CAMKMT: variants seen among roughly 807,000 people sequenced by gnomAD.
CAMKMT encodes the protein CaM KMT.
In CAMKMT, 53 loss-of-function variants were observed where a neutral mutation model predicts 48.0. The ratio of observed to expected loss-of-function variants is 1.10; its 90% CI spans 0.89 to 1.39. The LOEUF (loss-of-function observed/expected upper bound fraction) is 1.39, where lower values mean the gene tolerates loss of function less well. Among genes scored for constraint, CAMKMT ranks in the 40% most tolerant of loss-of-function variants. The probability of loss-of-function intolerance (pLI) is 0.00; values close to 1 mark genes in which losing one functional copy is unlikely to be tolerated. For synonymous variants in CAMKMT, 165 were observed against 152.3 expected, an observed-to-expected ratio of 1.08 and a Z score of -0.61; for missense variants, 428 against 402.7, an observed-to-expected ratio of 1.06 and a Z score of -0.54.
intron 3 of CAMKMT, among the ~76,000 whole-genome samples, chr2:44,677,887 G>A (rs1675803717): frequency 1.3e-5 from 2 of 152,088 alleles, no homozygotes; most frequent in South Asian, 4.1e-4. Context: ...GAGAGTCAAT[G>A]TGTATGTGTA....
intron 3 of CAMKMT, among the ~76,000 whole-genome samples, chr2:44,510,827 C>T (rs1400326227): frequency 6.6e-6 from 1 of 151,994 alleles, no homozygotes; most frequent in East Asian, 1.9e-4. Flanking sequence ...CTCCTCGAGT[C>T]CCCAAAGTCC....
chr2:44,560,777 T>C (rs1668282420), intron 3 of CAMKMT, among the ~76,000 whole-genome samples: 1 of 152,204 alleles, frequency 6.6e-6, no homozygotes, highest in East Asian at 1.9e-4. Flanking sequence ...GCTCCCCCAT[T>C]CTTTGGGATG....
intron 3 of CAMKMT, among the ~76,000 whole-genome samples, chr2:44,487,998 G>A (rs1669292386): frequency 6.6e-6 from 1 of 152,166 alleles, no homozygotes; most frequent in African/African-American, 2.4e-5. Context: ...TTTCATACTA[G>A]CTTTGTAAAG....
chr2:44,474,039 T>C (rs952817871), intron 3 of CAMKMT, among the ~76,000 whole-genome samples: 1 of 152,190 alleles, frequency 6.6e-6, no homozygotes, highest in African/African-American at 2.4e-5. Context: ...GGAGAAGGAA[T>C]ATAATCTCCA....
chr2:44,646,176 A>G (rs1158183145), intron 3 of CAMKMT, among the ~76,000 whole-genome samples: 2 of 152,210 alleles, frequency 1.3e-5, no homozygotes, highest in African/African-American at 4.8e-5. Context: ...TGGAGGCATC[A>G]AGGCAAAAAA....
At chr2:44,648,127 A>C (rs1448344753) in intron 3 of CAMKMT, among the ~76,000 whole-genome samples, 1 of 152,102 alleles carries the variant, frequency 6.6e-6, no homozygotes, top group Non-Finnish European at 1.5e-5. Context: ...ATGACATGTC[A>C]TGAAAAAAAA....
chr2:44,577,135 C>T (rs1669267047), intron 3 of CAMKMT, among the ~76,000 whole-genome samples: 1 of 152,148 alleles, frequency 6.6e-6, no homozygotes, highest in Non-Finnish European at 1.5e-5. Flanking sequence ...CATGAATTCC[C>T]AGATGCTTTT....
intron 3 of CAMKMT, among the ~76,000 whole-genome samples, chr2:44,505,425 T>A (rs2104752848): frequency 6.6e-6 from 1 of 152,318 alleles, no homozygotes; most frequent in East Asian, 1.9e-4. Flanking sequence ...TCTTTGTGGG[T>A]TGTGCTTTTG....
chr2:44,548,049 G>A (rs1667502112), intron 3 of CAMKMT, among the ~76,000 whole-genome samples: 1 of 152,086 alleles, frequency 6.6e-6, no homozygotes, highest in South Asian at 2.1e-4. Flanking sequence ...GGAGACAGAA[G>A]AAAGAAAAAA....
At chr2:44,422,167 T>C (rs1683977627) in intron 3 of CAMKMT, among the ~76,000 whole-genome samples, 1 of 152,152 alleles carries the variant, frequency 6.6e-6, no homozygotes, top group African/African-American at 2.4e-5. Context: ...ACTTACAGAA[T>C]CTGGTTGTTT....
intron 2 of CAMKMT, among the ~76,000 whole-genome samples, chr2:44,388,530 C>G (rs533964408): frequency 6.6e-6 from 1 of 152,068 alleles, no homozygotes; most frequent in Admixed American, 6.6e-5. Flanking sequence ...CTTCTTGGTC[C>G]GGATCCGTTG....
At chr2:44,380,145 C>A (rs1171992542) in intron 2 of CAMKMT, among the ~76,000 whole-genome samples, 1 of 151,874 alleles carries the variant, frequency 6.6e-6, no homozygotes, top group Admixed American at 6.6e-5. Flanking sequence ...AATTATCTGC[C>A]CCAATGACTC....
chr2:44,498,654 G>T (rs571867184), intron 3 of CAMKMT, among the ~76,000 whole-genome samples: 1 of 152,182 alleles, frequency 6.6e-6, no homozygotes, highest in Non-Finnish European at 1.5e-5. Context: ...GACCAACTGC[G>T]AGGGGACTGT....
intron 3 of CAMKMT, among the ~76,000 whole-genome samples, chr2:44,595,693 A>G (rs1382978465): frequency 6.6e-6 from 1 of 152,230 alleles, no homozygotes; most frequent in East Asian, 1.9e-4. Flanking sequence ...ATGTATGTTT[A>G]TTGCGGCACT....
At chr2:44,366,733 A>ATTATTATTG (rs1678633026) in intron 1 of CAMKMT, among the ~76,000 whole-genome samples, 1 of 151,880 alleles carries the variant, frequency 6.6e-6, no homozygotes, top group Admixed American at 6.6e-5. Context: ...TATTATTATT[A>ATTATTATTG]TTATTTGAGA....
chr2:44,508,123 G>A (rs1670354644), intron 3 of CAMKMT, among the ~76,000 whole-genome samples: 4 of 152,182 alleles, frequency 2.6e-5, no homozygotes, highest in Admixed American at 2.6e-4. Context: ...AAGTAACAGT[G>A]ACTTTAAGGA....
intron 3 of CAMKMT, among the ~76,000 whole-genome samples, chr2:44,650,795 G>C (rs1674012342): frequency 6.6e-6 from 1 of 150,898 alleles, no homozygotes; most frequent in African/African-American, 2.4e-5. Flanking sequence ...AATCAGTAAA[G>C]ATTATAAAAG....
intron 3 of CAMKMT, among the ~76,000 whole-genome samples, chr2:44,629,998 C>G (rs1315723292): frequency 1.3e-5 from 2 of 151,586 alleles, no homozygotes; most frequent in Admixed American, 6.6e-5. Context: ...TCAAACTATA[C>G]TACAAGGCTA....
chr2:44,436,413 G>A (rs1448911538), intron 3 of CAMKMT, among the ~76,000 whole-genome samples: 7 of 152,066 alleles, frequency 4.6e-5, no homozygotes, highest in African/African-American at 1.7e-4. Context: ...TGCCTCCTCA[G>A]ATAGGGCAGA....
Sources: allele counts gnomAD v4.1 joint callset (sites outside exome capture counted in the v4.1 genomes callset), GRCh38; gene constraint gnomAD v4.1.1; transcripts MANE v1.5; gene names NCBI Gene and HGNC (gene_info 2026-07-23, HGNC 2026-07-21).